Variants in FBXO36 observed in about 807,000 individuals in gnomAD.
FBXO36 encodes the protein F-box only protein 36.
FBXO36 carries 18 observed loss-of-function variants against 17.0 expected under a neutral mutation model. The ratio of observed to expected loss-of-function variants is 1.06; its 90% confidence interval spans 0.73 to 1.57. The LOEUF (loss-of-function observed/expected upper bound fraction) is 1.57. Ranked by LOEUF, FBXO36 falls within the 40% of genes most tolerant of loss-of-function variation. The probability of loss-of-function intolerance (pLI) is 0.00; values close to 1 mark genes in which losing one functional copy is unlikely to be tolerated. For missense variants in FBXO36, 229 were observed against 221.9 expected, an observed-to-expected ratio of 1.03 and a Z score of -0.20; for synonymous variants, 83 against 85.3, an observed-to-expected ratio of 0.97 and a Z score of 0.15.
intron 3 of FBXO36, among the ~76,000 whole-genome samples, chr2:230,001,449 G>A (rs2077358361): frequency 6.6e-6 from 1 of 151,806 alleles, no homozygotes; most frequent in Non-Finnish European, 1.5e-5. Context: ...CACTGTGCCT[G>A]GCTAATTTTT....
intron 1 of FBXO36, among the ~76,000 whole-genome samples, chr2:229,953,270 C>T (rs1406512035): frequency 2.0e-5 from 3 of 152,024 alleles, no homozygotes; most frequent in Admixed American, 1.3e-4. Context: ...ACCCGGGAGG[C>T]GGAGGTTGCA....
At chr2:229,962,549 TTG>T (rs1553807036) in intron 1 of FBXO36, among the ~76,000 whole-genome samples, 3 of 148,132 alleles carry the variant, frequency 2.0e-5, no homozygotes, top group African/African-American at 7.5e-5. Context: ...TTTTATTTTA[TTG>T]TAGAGATAGA....
At chr2:229,999,126 T>G (rs2077343904) in intron 3 of FBXO36, among the ~76,000 whole-genome samples, 1 of 130,030 alleles carries the variant, frequency 7.7e-6, no homozygotes, top group Non-Finnish European at 1.6e-5. Context: ...GTAATGTAAT[T>G]TTTTTTTTTT....
intron 1 of FBXO36, among the ~76,000 whole-genome samples, chr2:229,959,969 A>C (rs1232596208): frequency 6.6e-6 from 1 of 152,084 alleles, no homozygotes; most frequent in Admixed American, 6.6e-5. Context: ...TAATCAGTCA[A>C]CTCTAAAGTT....
chr2:229,986,505 A>C (rs991314976), intron 2 of FBXO36, among the ~76,000 whole-genome samples: 4 of 151,932 alleles, frequency 2.6e-5, no homozygotes, highest in Admixed American at 1.3e-4. Flanking sequence ...TAAAATAAAT[A>C]AATAAGTAAA....
At position 229,976,289 on chromosome 2, in the gene FBXO36, A is replaced by G. The variant is rs1004251485; in HGVS notation, c.145A>G (p.Thr49Ala). The G allele has an allele frequency of 6.2e-7, 1 of 1,613,928 alleles. No homozygotes were observed. The part of the protein sequence containing the change: ...KISLRSEYRS[T>A]KPGEAKETHE... The stretch of plus-strand genomic sequence containing the variant: ...CTCTCTAAGGAGTGAGTATCGATCA[A>G]CAAAACCTGGAGAAGCAAAAGAAAC... Residue 49 changes from threonine (T) to alanine (A), a missense_variant, in exon 2 of 4, where the codon ACA (threonine) becomes GCA (alanine). Transcript: ENST00000283946.
intron 2 of FBXO36, among the ~76,000 whole-genome samples, chr2:229,978,201 T>A (rs1450764091): frequency 2.0e-5 from 3 of 152,154 alleles, no homozygotes; most frequent in South Asian, 2.1e-4. Flanking sequence ...GGTGGGAGGA[T>A]TGCTTGAGCC....
intron 3 of FBXO36, among the ~76,000 whole-genome samples, chr2:230,009,965 T>TA (rs1209138748): frequency 6.2e-5 from 8 of 129,384 alleles, no homozygotes; most frequent in African/African-American, 1.5e-4. Flanking sequence ...AATAGATAGA[T>TA]AAAAAAATAG....
chr2:230,003,594 G>A (rs913744984), intron 3 of FBXO36, among the ~76,000 whole-genome samples: 1 of 151,396 alleles, frequency 6.6e-6, no homozygotes, highest in Non-Finnish European at 1.5e-5. Flanking sequence ...GTACAGTGGT[G>A]TGATCTCAAC....
At chr2:229,985,322 T>G (rs2106201871) in intron 2 of FBXO36, among the ~76,000 whole-genome samples, 1 of 152,346 alleles carries the variant, frequency 6.6e-6, no homozygotes, top group Non-Finnish European at 1.5e-5. Context: ...AAAAAACTGC[T>G]GTGTTAATTA....
intron 1 of FBXO36, among the ~76,000 whole-genome samples, chr2:229,966,685 G>C (rs2077154756): frequency 6.6e-6 from 1 of 152,148 alleles, no homozygotes; most frequent in Non-Finnish European, 1.5e-5. Context: ...AAGACCAGAT[G>C]GTTGTAGATC....
intron 1 of FBXO36, among the ~76,000 whole-genome samples, chr2:229,944,606 T>C (rs1415410980): frequency 6.7e-6 from 1 of 149,184 alleles, no homozygotes; most frequent in Admixed American, 6.7e-5. Flanking sequence ...TTTTTTTTTT[T>C]TTTTGAGACG....
At chr2:229,926,216 G>A (rs1219105606) in intron 1 of FBXO36, among the ~76,000 whole-genome samples, 1 of 151,368 alleles carries the variant, frequency 6.6e-6, no homozygotes, top group African/African-American at 2.4e-5. Flanking sequence ...GATCACTTGA[G>A]GCCATGAGCT....
intron 1 of FBXO36, among the ~76,000 whole-genome samples, chr2:229,934,228 C>T (rs1411739245): frequency 6.6e-6 from 1 of 151,638 alleles, no homozygotes; most frequent in African/African-American, 2.4e-5. Context: ...GGTGAAACCC[C>T]GTCTCTACTA....
At chr2:229,999,082 G>A (rs938832394) in intron 3 of FBXO36, among the ~76,000 whole-genome samples, 5 of 149,532 alleles carry the variant, frequency 3.3e-5, no homozygotes, top group Admixed American at 2.0e-4. Context: ...GATTACAAGC[G>A]TGAGCCACCG....
chr2:229,951,241 T>C (rs1287127584), intron 1 of FBXO36, among the ~76,000 whole-genome samples: 2 of 150,672 alleles, frequency 1.3e-5, no homozygotes, highest in Admixed American at 1.3e-4. Context: ...CCCAGGCAAC[T>C]TTTTTTTCTT....
intron 2 of FBXO36, among the ~76,000 whole-genome samples, chr2:229,995,840 C>T (rs2077324215): frequency 6.6e-6 from 1 of 151,800 alleles, no homozygotes; most frequent in African/African-American, 2.4e-5. Flanking sequence ...GATCCGCCTG[C>T]CTTGGCTGCC....
chr2:229,952,189 GAGA>G (rs1479863941), intron 1 of FBXO36, among the ~76,000 whole-genome samples: 2 of 152,116 alleles, frequency 1.3e-5, no homozygotes, highest in Non-Finnish European at 2.9e-5. Flanking sequence ...AGGTTTGGTG[GAGA>G]AGGACATTCC....
intron 1 of FBXO36, among the ~76,000 whole-genome samples, chr2:229,946,925 G>A (rs1560436076): frequency 6.6e-6 from 1 of 152,176 alleles, no homozygotes; most frequent in Non-Finnish European, 1.5e-5. Context: ...CTAGCACTTT[G>A]GGAGGCTGAG....
Sources: allele counts gnomAD v4.1 joint callset (sites outside exome capture counted in the v4.1 genomes callset), GRCh38; gene constraint gnomAD v4.1.1; transcripts MANE v1.5; gene names NCBI Gene and HGNC (gene_info 2026-07-23, HGNC 2026-07-21).